Variants in CNTNAP2 observed in about 807,000 individuals in gnomAD.
CNTNAP2 encodes the protein contactin associated protein 2, also known as contactin-associated protein-like 2.
CNTNAP2 carries 98 observed loss-of-function variants against 155.2 expected under a neutral mutation model. The observed-to-expected ratio is 0.63, with a 90% confidence interval of 0.54 to 0.75. The LOEUF (loss-of-function observed/expected upper bound fraction) is 0.75. CNTNAP2 is among the 30% of genes least tolerant of loss of function. The probability of loss-of-function intolerance (pLI) is 0.00; values close to 1 mark genes in which losing one functional copy is unlikely to be tolerated. For missense variants in CNTNAP2, 1,727 were observed against 1,688.1 expected, an observed-to-expected ratio of 1.02 and a Z score of -0.40; for synonymous variants, 651 against 631.2, an observed-to-expected ratio of 1.03 and a Z score of -0.47.
chr7:147,338,126 G>T (rs987975693), intron 9 of CNTNAP2, among the ~76,000 whole-genome samples: 15 of 152,054 alleles, frequency 9.9e-5, no homozygotes, highest in African/African-American at 3.6e-4. Flanking sequence ...CTGCATGGCT[G>T]GGGAGGCCTC....
chr7:148,213,170 G>A (rs1009081326), intron 18 of CNTNAP2, among the ~76,000 whole-genome samples: 4 of 152,212 alleles, frequency 2.6e-5, no homozygotes, highest in Admixed American at 6.5e-5. Flanking sequence ...ACCCTTGTGC[G>A]CATAAGTATC....
intron 21 of CNTNAP2, among the ~76,000 whole-genome samples, chr7:148,286,450 T>C (rs1392608321): frequency 2.0e-5 from 3 of 152,158 alleles, no homozygotes; most frequent in Admixed American, 6.5e-5. Context: ...CATTAGGAAG[T>C]AGAAAGGAAA....
intron 13 of CNTNAP2, among the ~76,000 whole-genome samples, chr7:147,732,392 T>A (rs1796758359): frequency 6.6e-6 from 1 of 152,190 alleles, no homozygotes; most frequent in African/African-American, 2.4e-5. Flanking sequence ...CTGCATAGTA[T>A]TCCATGGTGT....
At chr7:147,430,861 G>A (rs923055398) in intron 10 of CNTNAP2, among the ~76,000 whole-genome samples, 1 of 151,924 alleles carries the variant, frequency 6.6e-6, no homozygotes, top group Non-Finnish European at 1.5e-5. Context: ...TCAGGAGATC[G>A]AGACCATCCT....
intron 13 of CNTNAP2, among the ~76,000 whole-genome samples, chr7:147,815,136 A>T (rs1487794517): frequency 6.6e-6 from 1 of 152,178 alleles, no homozygotes; most frequent in Non-Finnish European, 1.5e-5. Context: ...TTATGAAGTG[A>T]TAGTGTAGAC....
At chr7:146,377,287 T>G (rs1795317004) in intron 1 of CNTNAP2, among the ~76,000 whole-genome samples, 1 of 152,152 alleles carries the variant, frequency 6.6e-6, no homozygotes, top group African/African-American at 2.4e-5. Context: ...AGTTTTTCCA[T>G]CTTAGCCCAA....
At chr7:147,430,716 G>C (rs931274021) in intron 10 of CNTNAP2, among the ~76,000 whole-genome samples, 3 of 152,074 alleles carry the variant, frequency 2.0e-5, no homozygotes, top group Non-Finnish European at 4.4e-5. Context: ...GAGGAGGAGG[G>C]AGCATTATAG....
intron 12 of CNTNAP2, among the ~76,000 whole-genome samples, chr7:147,566,621 A>G (rs1021447704): frequency 2.0e-5 from 3 of 152,082 alleles, no homozygotes; most frequent in African/African-American, 7.2e-5. Flanking sequence ...GAATTGTCAA[A>G]CACTTATAAA....
intron 15 of CNTNAP2, among the ~76,000 whole-genome samples, chr7:148,116,058 G>T (rs1804462358): frequency 6.6e-6 from 1 of 151,628 alleles, no homozygotes; most frequent in Non-Finnish European, 1.5e-5. Flanking sequence ...AGAATCGCTT[G>T]CACCTGGGAG....
In CNTNAP2 at chr7:147,061,261, A is replaced by G. The variant is rs1403723105; in HGVS notation, c.550+17207A>G. ...ACTTACAAATTTGTTAAGAGAGTAG[A>G]TCTCATGTGTTTTTACCATTGTAAA... On this transcript the variant is annotated intron_variant, in intron 4 of 23. Transcript: ENST00000361727. Among the ~76,000 whole-genome samples the G allele has an allele frequency of 2.6e-5, 4 of 152,190 alleles. No individual in the cohort carries two copies. The East Asian group carries it at 7.7e-4, about 29-fold the overall frequency.
intron 1 of CNTNAP2, among the ~76,000 whole-genome samples, chr7:146,340,728 G>A (rs553002511): frequency 5.3e-5 from 8 of 152,108 alleles, no homozygotes; most frequent in Middle Eastern, 6.8e-3. Flanking sequence ...TTTTATCTCC[G>A]CCTGAAAAAT....
At chr7:147,033,700 G>A (rs963129567) in intron 3 of CNTNAP2, among the ~76,000 whole-genome samples, 1 of 151,740 alleles carries the variant, frequency 6.6e-6, no homozygotes, top group African/African-American at 2.4e-5. Context: ...GGACCAAAGA[G>A]GTATGGTCTG....
intron 15 of CNTNAP2, among the ~76,000 whole-genome samples, chr7:148,062,020 AGAGAGAGAGTGTGTGT>A (rs1803164337): frequency 7.3e-6 from 1 of 137,648 alleles, no homozygotes; most frequent in African/African-American, 2.8e-5. Context: ...ATAGAGAGAG[AGAGAGAGAGTGTGTGT>A]GTGTGTGTGT....
chr7:148,037,798 CAT>C (rs1161807892), intron 15 of CNTNAP2, among the ~76,000 whole-genome samples: 1 of 152,136 alleles, frequency 6.6e-6, no homozygotes, highest in East Asian at 1.9e-4. Context: ...AGGAAAAAAA[CAT>C]AGTATACACA....
chr7:147,544,962 A>G (rs1349975552), intron 11 of CNTNAP2, among the ~76,000 whole-genome samples: 6 of 152,044 alleles, frequency 3.9e-5, no homozygotes, highest in Non-Finnish European at 8.8e-5. Context: ...TCCTTTATAA[A>G]TTACTCAGTC....
At chr7:146,767,124 T>C (rs1464737545) in intron 1 of CNTNAP2, among the ~76,000 whole-genome samples, 1 of 152,178 alleles carries the variant, frequency 6.6e-6, no homozygotes, top group Non-Finnish European at 1.5e-5. Context: ...TCCTTCTGTT[T>C]GATAAGTTCT....
intron 2 of CNTNAP2, among the ~76,000 whole-genome samples, chr7:146,796,585 T>C (rs1802772837): frequency 6.6e-6 from 1 of 152,156 alleles, no homozygotes; most frequent in South Asian, 2.1e-4. Flanking sequence ...GAAACGCAGT[T>C]CTATAATTAA....
intron 7 of CNTNAP2, among the ~76,000 whole-genome samples, chr7:147,129,233 G>A (rs753164048): frequency 1.3e-5 from 2 of 152,144 alleles, no homozygotes; most frequent in Non-Finnish European, 2.9e-5. Context: ...TTTTAAATCA[G>A]GGACTTTATT....
intron 3 of CNTNAP2, among the ~76,000 whole-genome samples, chr7:146,855,611 A>G (rs1032702354): frequency 1.3e-5 from 2 of 149,396 alleles, no homozygotes; most frequent in Non-Finnish European, 2.9e-5. Flanking sequence ...TTTGTTTAAG[A>G]AAGAAGAAAT....
Sources: allele counts gnomAD v4.1 joint callset (sites outside exome capture counted in the v4.1 genomes callset), GRCh38; gene constraint gnomAD v4.1.1; transcripts MANE v1.5; gene names NCBI Gene and HGNC (gene_info 2026-07-23, HGNC 2026-07-21).